Variants in LRRC46 observed in about 807,000 individuals in gnomAD.
LRRC46 encodes leucine rich repeat containing 46, also known as leucine-rich repeat-containing protein 46.
In LRRC46, 20 loss-of-function variants were observed where a neutral mutation model predicts 28.0. The ratio of observed to expected loss-of-function variants is 0.71; its 90% CI spans 0.50 to 1.04. The LOEUF is 1.04. Ranked by LOEUF, LRRC46 falls within the 50% of genes least tolerant of loss-of-function variation. LRRC46 has a pLI of 0.00. For missense variants in LRRC46, 315 were observed against 390.1 expected, an observed-to-expected ratio of 0.81 and a Z score of 1.62; for synonymous variants, 156 against 158.8, an observed-to-expected ratio of 0.98 and a Z score of 0.13.
rs1448321075 is a variant in LRRC46 at position 47,832,094 on chromosome 17, T to C, written c.11-6T>C. ...AAGTGTCACAGTTGGACTCATCTTT[T>C]CACAGGGAAGTCAGCCCAGGGTCCA... On this transcript the variant is annotated splice_region_variant and splice_polypyrimidine_tract_variant and intron_variant, in intron 1 of 7. Transcript: ENST00000269025. The C allele has an allele frequency of 6.2e-7, 1 of 1,612,108 alleles. No homozygotes were observed. The highest frequency in any genetic ancestry group is 1.1e-5 in the South Asian group (1 of 90,934).
rs1473923190 is a variant in LRRC46 at position 47,837,020 on chromosome 17, T to A, written c.866T>A (p.Phe289Tyr). 6.2e-7 allele frequency: 1 copy of A among 1,610,646 alleles called. No homozygotes were observed. The highest frequency in any genetic ancestry group is 8.5e-7 in the Non-Finnish European group (1 of 1,179,266). Residue 289 changes from phenylalanine to tyrosine, a missense_variant, in exon 8 of 8, where the codon TTC becomes TAC. Coordinates refer to ENST00000269025, the MANE Select transcript of LRRC46 (RefSeq NM_033413.4). ...ATTCCCAGGGGCCACCAAAGCTCTTTCTGGGGAAGGAAGGGGGCACGAGCA... is the reference window on the plus strand; with the variant it reads ...ATTCCCAGGGGCCACCAAAGCTCTTACTGGGGAAGGAAGGGGGCACGAGCA... ...SLIPRGHQSS[F>Y]WGRKGARAAT...
Position 47,832,053 on chromosome 17 carries a change from G to C in LRRC46, c.11-47G>C, listed in dbSNP as rs765305942. ...AGCAGTTGGAAAACAGCGGGGTAAG[G>C]CCTCCAAGAGTGAGGAAGTGTCACA... On this transcript the variant is annotated intron_variant, in intron 1 of 7. Coordinates refer to ENST00000269025, the MANE Select transcript of LRRC46 (RefSeq NM_033413.4). 3.1e-6 allele frequency: 5 copies of C among 1,613,932 alleles called. No homozygotes were observed. The Middle Eastern group carries it at 5.0e-4, about 161-fold the overall frequency.
intron 2 of LRRC46, chr17:47,833,874 C>T: frequency 2.1e-6 from 2 of 970,776 alleles, no homozygotes; most frequent in Non-Finnish European, 1.2e-6. Flanking sequence ...CCTCGGCCTC[C>T]CAAAGTGCTG....
In LRRC46 at chr17:47,834,432, ACT is replaced by A; in HGVS notation, c.127_128del (p.Leu43Ter). On this transcript the variant is annotated frameshift_variant, in exon 3 of 8. Coordinates refer to ENST00000269025, the MANE Select transcript of LRRC46 (RefSeq NM_033413.4). LOFTEE classifies it high-confidence loss of function. ...TACTGACTCTTTTCCCAGGTTTCAC[ACT>A]CTTGATGAACTGCAGACTGTCCGCC... is the stretch of plus-strand genomic sequence containing the variant. ...DGELSEKMFH[T>X]LDELQTVRLD... is the part of the protein sequence containing the mutation. 6.2e-7 allele frequency: 1 copy of A among 1,610,632 alleles called. No individual in the cohort carries two copies. Among genetic ancestry groups the A allele is most frequent in the Middle Eastern group, 1.7e-4 (1 of 6,056 alleles).
chr17:47,833,581 T>C (rs1397269092), intron 2 of LRRC46, among the ~76,000 whole-genome samples: 2 of 151,754 alleles, frequency 1.3e-5, no homozygotes, highest in African/African-American at 4.8e-5. Flanking sequence ...CCCGAGTAGC[T>C]GGGACTACAG....
intron 2 of LRRC46, chr17:47,833,814 A>T: frequency 3.0e-6 from 1 of 334,036 alleles, no homozygotes; most frequent in Non-Finnish European, 4.2e-6. Context: ...GCAGTGGCAT[A>T]ATCATGGCAC....
Position 47,834,485 on chromosome 17 carries a change from C to T in LRRC46, c.177C>T (p.Ile59=). The T allele has an allele frequency of 6.2e-7, 1 of 1,613,878 alleles. No individual in the cohort carries two copies. The highest frequency in any genetic ancestry group is 1.1e-5 in the South Asian group (1 of 91,032). The change falls in exon 3 of 8, where the codon ATC becomes ATT. Residue 59 remains isoleucine (I), a synonymous_variant. Transcript: ENST00000269025. The stretch of plus-strand genomic sequence containing the variant: ...TGGACCGGGAGGGGATTACTACTAT[C>T]AGGAACTTAGAAGGCCTCCAGAATC... ...VRLDREGITT[I]RNLEGLQNLH...
intron 2 of LRRC46, chr17:47,833,935 G>A: frequency 8.1e-6 from 8 of 985,532 alleles, no homozygotes; most frequent in Non-Finnish European, 9.6e-6. Context: ...CTTTATTAGT[G>A]GTGGGCAGAG....
In LRRC46 at chr17:47,836,438, G is replaced by A. The variant is rs781010052; in HGVS notation, c.558G>A (p.Glu186=). 6.2e-7 allele frequency: 1 copy of A among 1,614,162 alleles called. No homozygotes were observed. Among genetic ancestry groups the A allele is most frequent in the Non-Finnish European group, 8.5e-7 (1 of 1,180,012 alleles). Residue 186 remains glutamate (E), a synonymous_variant, in exon 7 of 8, where the codon GAG becomes GAA. Transcript: ENST00000269025. This position sits in a 1 kb window ranked among gnomAD's most constrained non-coding sequence, Gnocchi z 5.8. Reference sequence around the variant, plus strand: ...AGGATGAAGCCTCAAGCGATGAGGAGTTCCCAGAGCTGAGTGGCCCATTCT... The same window carrying A: ...AGGATGAAGCCTCAAGCGATGAGGAATTCCCAGAGCTGAGTGGCCCATTCT... The part of the protein sequence containing the change: ...DEEDEASSDE[E]FPELSGPFCS...
At chr17:47,835,861 T>C (rs1463331419) in intron 5 of LRRC46, 86 bp downstream of exon 5, 2 of 1,365,530 alleles carry the variant, frequency 1.5e-6, no homozygotes, top group East Asian at 2.3e-5. Flanking sequence ...ATGCTTCTAT[T>C]AGCCATGCCC....
Position 47,831,721 on chromosome 17 carries a change from T to C in LRRC46, c.-269T>C. ...ACTCCGGCTTCCTAGGAACTGCTCC[T>C]TTCTCAACCATTCCTGCCCACAACA... On this transcript the variant is annotated 5_prime_UTR_variant, in exon 1 of 8. Transcript: ENST00000269025. 3.1e-6 allele frequency: 2 copies of C among 644,224 alleles called. No homozygotes were observed. The highest frequency in any genetic ancestry group is 5.4e-6 in the Non-Finnish European group (2 of 373,538). The allele number at this position is 644,224 out of a possible 1,614,324, so 39.9% of individuals were successfully genotyped here.
chr17:47,835,885 T>C, intron 5 of LRRC46, 110 bp downstream of exon 5: 3 of 1,323,710 alleles, frequency 2.3e-6, no homozygotes. Flanking sequence ...CAGGTCCACA[T>C]TTCATCCTCA....
In LRRC46 at chr17:47,836,503, C is replaced by T; in HGVS notation, c.595+28C>T. 1 of 1,610,564 alleles carries T rather than the reference C, an allele frequency of 6.2e-7. No individual in the cohort carries two copies. Among genetic ancestry groups the T allele is most frequent in the Admixed American group, 1.7e-5 (1 of 59,824 alleles). ...GACCCTGCTTTCCAAGGTTTTCAGC[C>T]TCCCCAGAGCCCACCTCTGCCCTGT... On this transcript the variant is annotated intron_variant, in intron 7 of 7. Transcript: ENST00000269025. The surrounding 1 kb of genome is among the most constrained non-coding windows in gnomAD (Gnocchi z 5.8).
chr17:47,834,819 T>G (rs898992159), intron 3 of LRRC46: 1 of 282,272 alleles, frequency 3.5e-6, no homozygotes, highest in African/African-American at 2.2e-5. Flanking sequence ...GTTAAATAGC[T>G]CCAGCCCATT....
In LRRC46 at chr17:47,835,386, A is replaced by G. The variant is rs149365663; in HGVS notation, c.259A>G (p.Ile87Val). The G allele has an allele frequency of 4.1e-4, 658 of 1,614,150 alleles. 2 individuals are homozygous for G. In the African/African-American group the frequency reaches 7.8e-3, roughly 19 times the overall value. The change falls in exon 4 of 8, where the codon ATC (isoleucine) becomes GTC (valine). Residue 87 changes from isoleucine to valine, a missense_variant. Transcript: ENST00000269025. ...KIQQIENLAC[I>V]PSLRFLSLAG... is the part of the protein sequence containing the mutation. ...CCAGCAAATTGAGAACCTGGCTTGC[A>G]TCCCCTCCTTGCGGTATGTGGTGCC... is the stretch of plus-strand genomic sequence containing the variant.
chr17:47,837,291 A>G lies in LRRC46; in HGVS notation c.*171A>G, dbSNP rs573381377. 6 of 881,794 alleles carry G rather than the reference A, an allele frequency of 6.8e-6. No individual in the cohort carries two copies. The African/African-American group carries it at 1.0e-4, about 15-fold the overall frequency. The allele number at this position is 881,794 out of a possible 1,614,324, so 54.6% of individuals were successfully genotyped here. A position where few individuals can be genotyped will look rare whatever the true frequency, so the allele number is the denominator to read the frequency against. On this transcript the variant is annotated 3_prime_UTR_variant, in exon 8 of 8. Transcript: ENST00000269025. ...AAGAAACCAGTGAAAGCTCCAGGAAACAAAATACAGAGCTCAGTGAGCCAC... is the reference window on the plus strand; with the variant it reads ...AAGAAACCAGTGAAAGCTCCAGGAAGCAAAATACAGAGCTCAGTGAGCCAC...
chr17:47,835,724 T>C lies in LRRC46; in HGVS notation c.331T>C (p.Cys111Arg), dbSNP rs751812527. ...RQVENLLDLPCLQFLDLSENL... is the reference protein window; with the variant it reads ...RQVENLLDLPRLQFLDLSENL... Reference sequence around the variant, plus strand: ...GGTGGAAAACCTCCTCGACCTCCCATGCCTCCAGTTTCTGGACCTTTCTGA... The same window carrying C: ...GGTGGAAAACCTCCTCGACCTCCCACGCCTCCAGTTTCTGGACCTTTCTGA... Residue 111 changes from cysteine (C) to arginine (R), a missense_variant, in exon 5 of 8, where the codon TGC (cysteine) becomes CGC (arginine). Cys to Arg is a radical substitution (Grantham distance 180, BLOSUM62 -3). Coordinates refer to ENST00000269025, the MANE Select transcript of LRRC46 (RefSeq NM_033413.4). 1.2e-6 allele frequency: 2 copies of C among 1,614,206 alleles called. No homozygotes were observed. The highest frequency in any genetic ancestry group is 1.7e-6 in the Non-Finnish European group (2 of 1,180,034).
At chr17:47,835,490 G>A (rs2143610821) in intron 4 of LRRC46, 91 bp downstream of exon 4, 3 of 1,513,366 alleles carry the variant, frequency 2.0e-6, no homozygotes, top group Non-Finnish European at 2.7e-6. Flanking sequence ...CCAAGCCTGG[G>A]TCCTTGTCAG....
At chr17:47,833,815 A>G in intron 2 of LRRC46, 1 of 345,050 alleles carries the variant, frequency 2.9e-6, no homozygotes, top group South Asian at 1.1e-4. Context: ...CAGTGGCATA[A>G]TCATGGCACA....
Sources: gnomAD v4.1 joint callset for allele counts (sites outside exome capture counted in the v4.1 genomes callset) on GRCh38, gnomAD v4.1.1 for gene constraint, Gnocchi (gnomAD v3.1) non-coding constraint, MANE v1.5 for transcripts, NCBI Gene and HGNC (gene_info 2026-07-23, HGNC 2026-07-21) for gene names.